Variants in ADGB observed in about 807,000 individuals in gnomAD.
ADGB encodes the protein calpain-7-like protein.
ADGB carries 172 observed loss-of-function variants against 210.5 expected under a neutral mutation model. The ratio of observed to expected loss-of-function variants is 0.82; its 90% CI spans 0.72 to 0.93. ADGB has a LOEUF of 0.93. Among genes scored for constraint, ADGB ranks in the 40% least tolerant of loss-of-function variants. ADGB has a pLI of 0.00. For synonymous variants in ADGB, 658 were observed against 662.7 expected (o/e 0.99, Z 0.11); for missense variants, 2,025 against 1,964.8 (o/e 1.03, Z -0.58).
At chr6:146,691,461 A>ATATAT (rs1554231910) in intron 11 of ADGB, among the ~76,000 whole-genome samples, 171 bp downstream of exon 11, 1 of 18,232 alleles carries the variant, frequency 5.5e-5, no homozygotes, top group East Asian at 1.2e-3. Context: ...TATATATAAA[A>ATATAT]ATATATATAT....
At chr6:146,782,342 A>T in intron 30 of ADGB, 150 bp downstream of exon 30, 1 of 781,906 alleles carries the variant, frequency 1.3e-6, no homozygotes, top group Non-Finnish European at 1.9e-6. Context: ...CATTCCTTGG[A>T]CACCTTCCTC....
chr6:146,705,948 G>T (rs1172785115), intron 13 of ADGB, among the ~76,000 whole-genome samples: 3 of 152,030 alleles, frequency 2.0e-5, no homozygotes, highest in African/African-American at 7.2e-5. Flanking sequence ...TTAAGATATA[G>T]GGTCTTTCCC....
At chr6:146,689,571 T>C (rs1324694506) in intron 10 of ADGB, among the ~76,000 whole-genome samples, 1 of 152,150 alleles carries the variant, frequency 6.6e-6, no homozygotes, top group Middle Eastern at 3.2e-3. Context: ...AAAAAGTGTT[T>C]TTAGACTAAA....
chr6:146,657,695 C>T (rs1775804677), intron 5 of ADGB, among the ~76,000 whole-genome samples: 1 of 152,166 alleles, frequency 6.6e-6, no homozygotes, highest in Non-Finnish European at 1.5e-5. Context: ...GGGTCATGGG[C>T]AGGAGGCAGT....
At position 146,815,388 on chromosome 6, in the gene ADGB, C is replaced by T; in HGVS notation, c.*171C>T. The T allele has an allele frequency of 2.2e-6, 1 of 463,776 alleles. No individual in the cohort carries two copies. The highest frequency in any genetic ancestry group is 3.6e-6 in the Non-Finnish European group (1 of 280,006). The allele number at this position is 463,776 out of a possible 1,614,324, so 28.7% of individuals were successfully genotyped here. A position where few individuals can be genotyped will look rare whatever the true frequency, so the allele number is the denominator to read the frequency against. On this transcript the variant is annotated 3_prime_UTR_variant, in exon 36 of 36. Transcript: ENST00000397944. ...TCCTCAGAAAGCTAGTATTTGAAGC[C>T]ATTTGAGTTTAAGATGCTCTAATTT...
At chr6:146,680,558 C>G (rs1439444842) in intron 9 of ADGB, among the ~76,000 whole-genome samples, 3 of 152,088 alleles carry the variant, frequency 2.0e-5, no homozygotes, top group African/African-American at 7.2e-5. Context: ...AATGGTATCT[C>G]AAGCTTGAGG....
intron 2 of ADGB, among the ~76,000 whole-genome samples, chr6:146,639,420 T>C (rs570104544): frequency 6.6e-6 from 1 of 152,094 alleles, no homozygotes; most frequent in South Asian, 2.1e-4. Context: ...GCGAACATTA[T>C]ACTGAATGGC....
chr6:146,602,459 A>T (rs1179826785), intron 1 of ADGB, among the ~76,000 whole-genome samples: 2 of 152,232 alleles, frequency 1.3e-5, no homozygotes, highest in African/African-American at 4.8e-5. Context: ...AACAATTTTT[A>T]ACGTAAGATA....
chr6:146,621,091 A>C (rs1780886387), intron 1 of ADGB, among the ~76,000 whole-genome samples: 1 of 152,150 alleles, frequency 6.6e-6, no homozygotes, highest in African/African-American at 2.4e-5. Flanking sequence ...ACTTACAGTG[A>C]GCACCAAAAC....
intron 1 of ADGB, among the ~76,000 whole-genome samples, chr6:146,608,816 A>G (rs1246739462): frequency 3.3e-5 from 5 of 152,182 alleles, no homozygotes; most frequent in Admixed American, 3.3e-4. Context: ...CGTATGTGCC[A>G]TGTGAAAATG....
rs1006793736 is a variant in ADGB, at chr6:146,664,347, A to G, written c.752+7A>G. 3.2e-6 allele frequency: 5 copies of G among 1,545,772 alleles called. No homozygotes were observed. The highest frequency in any genetic ancestry group is 4.4e-6 in the Non-Finnish European group (5 of 1,144,788). ...TCAAGCTGGCAAATATTGAGTATGTAATGACACTATCACTCACATGAATAA... is the reference window on the plus strand; with the variant it reads ...TCAAGCTGGCAAATATTGAGTATGTGATGACACTATCACTCACATGAATAA... On this transcript the variant is annotated splice_region_variant and intron_variant, in intron 6 of 35. Transcript: ENST00000397944.
chr6:146,746,779 T>C (rs887185272), intron 26 of ADGB, among the ~76,000 whole-genome samples: 1 of 152,204 alleles, frequency 6.6e-6, no homozygotes, highest in East Asian at 1.9e-4. Context: ...CCGAAGCACA[T>C]AGCATGTTAT....
chr6:146,660,070 A>G (rs1478069252), intron 5 of ADGB, among the ~76,000 whole-genome samples: 1 of 152,146 alleles, frequency 6.6e-6, no homozygotes, highest in Non-Finnish European at 1.5e-5. Context: ...TTTGTGGTAC[A>G]GAAACCCCCC....
chr6:146,780,110 A>G (rs1302710242), intron 29 of ADGB, among the ~76,000 whole-genome samples: 1 of 152,082 alleles, frequency 6.6e-6, no homozygotes, highest in African/African-American at 2.4e-5. Flanking sequence ...GGGGACAGAA[A>G]TACGTGAACA....
intron 2 of ADGB, among the ~76,000 whole-genome samples, chr6:146,644,220 G>A (rs1011736573): frequency 2.0e-5 from 3 of 151,644 alleles, no homozygotes; most frequent in African/African-American, 7.3e-5. Context: ...TGGCATATAA[G>A]AACCCATTGT....
At position 146,724,582 on chromosome 6, in the gene ADGB, G is replaced by T. The variant is rs933790080; in HGVS notation, c.2237+255G>T. On this transcript the variant is annotated intron_variant, in intron 18 of 35. Transcript: ENST00000397944. The stretch of plus-strand genomic sequence containing the variant: ...GGGAATATATTTAGTCAACAATACT[G>T]CTTGAGCTTGTTTAACCCAGCATTT... 4.2e-5 allele frequency: 11 copies of T among 260,136 alleles called. No homozygotes were observed. The Admixed American group carries it at 5.9e-4, about 14-fold the overall frequency. 16.1% of individuals were successfully genotyped at this position (260,136 alleles called of 1,614,324 possible). A position where few individuals can be genotyped will look rare whatever the true frequency, so the allele number is the denominator to read the frequency against.
chr6:146,611,812 A>C (rs932360650), intron 1 of ADGB, among the ~76,000 whole-genome samples: 1 of 151,924 alleles, frequency 6.6e-6, no homozygotes, highest in Non-Finnish European at 1.5e-5. Flanking sequence ...GATTAGTTTG[A>C]GCCTGTACAT....
At chr6:146,779,528 A>C (rs1777768907) in intron 29 of ADGB, among the ~76,000 whole-genome samples, 1 of 152,140 alleles carries the variant, frequency 6.6e-6, no homozygotes, top group Admixed American at 6.6e-5. Flanking sequence ...CTCATAATTA[A>C]ACTCTCTAAA....
intron 5 of ADGB, among the ~76,000 whole-genome samples, chr6:146,659,488 C>A (rs1286797151): frequency 6.6e-6 from 1 of 152,186 alleles, no homozygotes; most frequent in Admixed American, 6.5e-5. Flanking sequence ...CTCCCTCATT[C>A]ACTTTGTCCT....
Sources: gnomAD v4.1 joint callset for allele counts (sites outside exome capture counted in the v4.1 genomes callset) on GRCh38, gnomAD v4.1.1 for gene constraint, MANE v1.5 for transcripts, NCBI Gene and HGNC (gene_info 2026-07-23, HGNC 2026-07-21) for gene names.